Variants in KDM2B observed in about 807,000 individuals in gnomAD.
KDM2B encodes the protein lysine demethylase 2B.
KDM2B carries 26 observed loss-of-function variants against 150.0 expected under a neutral mutation model. That is an observed-to-expected ratio of 0.17 (90% CI 0.13 to 0.24). The LOEUF is 0.24. Ranked by LOEUF, KDM2B falls within the 10% of genes least tolerant of loss-of-function variation. The pLI, the probability that KDM2B is intolerant of heterozygous loss-of-function variation, is 1.00. For missense variants in KDM2B, 1,265 were observed against 1,816.9 expected (o/e 0.70, Z 5.52); for synonymous variants, 734 against 729.5 (o/e 1.01, Z -0.10).
At chr12:121,566,147 T>C (rs1254568010) in intron 4 of KDM2B, among the ~76,000 whole-genome samples, 2 of 152,010 alleles carry the variant, frequency 1.3e-5, no homozygotes, top group African/African-American at 4.8e-5. Flanking sequence ...TTAAGCCAGA[T>C]ACAAAAAGAA....
the KDM2B span, chr12:121,423,291 C>A: frequency 2.2e-6 from 2 of 910,320 alleles, no homozygotes; most frequent in South Asian, 1.7e-5. This position sits in a 1 kb window ranked among gnomAD's most constrained non-coding sequence, Gnocchi z 4.3. Flanking sequence ...CTGCAGGGGT[C>A]ATTCAGCAGG....
upstream of KDM2B, among the ~76,000 whole-genome samples, chr12:121,581,475 T>C (rs549164428): frequency 3.1e-4 from 47 of 152,332 alleles, no homozygotes; most frequent in Non-Finnish European, 5.1e-4. Context: ...CTGGGTTGTC[T>C]TGTCCTCCCA....
At chr12:121,525,721 G>A (rs571622715) in intron 8 of KDM2B, among the ~76,000 whole-genome samples, 5 of 152,096 alleles carry the variant, frequency 3.3e-5, no homozygotes, top group Admixed American at 1.3e-4. Context: ...TAGATGGATC[G>A]TCTGAGGCCC....
intron 6 of KDM2B, among the ~76,000 whole-genome samples, chr12:121,545,396 G>GA (rs148473079): frequency 0.05 from 7,334 of 147,630 alleles, 305 homozygotes; most frequent in South Asian, 0.15. Context: ...TTTAAAAAAA[G>GA]AAAAAAAAAT....
chr12:121,572,723 T>A (rs1891192209), intron 4 of KDM2B, among the ~76,000 whole-genome samples: 1 of 151,946 alleles, frequency 6.6e-6, no homozygotes. Context: ...AGTGATGCAA[T>A]CATGGCCTGC....
Position 121,486,333 on chromosome 12 carries a change from C to CTTTTTTT in KDM2B, c.1734+8239_1734+8245dup, listed in dbSNP as rs71079073. ...TGTTGATCAGGCTGGTTTCGAACTC[C>CTTTTTTT]TTTTTTTTTTTTTTTTTTTTTTTTT... is the stretch of plus-strand genomic sequence containing the variant. On this transcript the variant is annotated intron_variant, in intron 12 of 22. Coordinates refer to ENST00000377071, the MANE Select transcript of KDM2B (RefSeq NM_032590.5). Among the ~76,000 whole-genome samples, 2 of 59,018 alleles carry CTTTTTTT rather than the reference C, an allele frequency of 3.4e-5. 1 individual carries two copies. The highest frequency in any genetic ancestry group is 1.6e-4 in the African/African-American group (2 of 12,760). The allele number at this position is 59,018 out of a possible 152,430, so 38.7% of individuals were successfully genotyped here. A position where few individuals can be genotyped will look rare whatever the true frequency, so the allele number is the denominator to read the frequency against.
At chr12:121,469,271 C>CCCCCA (rs1880480541) in intron 12 of KDM2B, 2 of 150,106 alleles carry the variant, frequency 1.3e-5, no homozygotes, top group African/African-American at 4.9e-5. Context: ...CACCCTAACC[C>CCCCCA]CCCCACCCCA....
chr12:121,417,811 C>T, the KDM2B span: 36 of 1,614,004 alleles, frequency 2.2e-5, no homozygotes, highest in Admixed American at 3.3e-5. The surrounding 1 kb of genome is among the most constrained non-coding windows in gnomAD (Gnocchi z 5.0). Context: ...TTTACACGTT[C>T]GTTTTTTTCA....
At chr12:121,436,229 G>A (rs1220398841) in intron 22 of KDM2B, among the ~76,000 whole-genome samples, 2 of 152,200 alleles carry the variant, frequency 1.3e-5, no homozygotes, top group Non-Finnish European at 2.9e-5. Context: ...AAAACTCAGT[G>A]TATAAGTTGT....
At chr12:121,500,025 C>G (rs1347974973) in intron 11 of KDM2B, among the ~76,000 whole-genome samples, 1 of 152,002 alleles carries the variant, frequency 6.6e-6, no homozygotes, top group Non-Finnish European at 1.5e-5. Flanking sequence ...GGATCTCACA[C>G]TCATACCTCC....
At chr12:121,576,906 A>C (rs1566439030) in intron 2 of KDM2B, among the ~76,000 whole-genome samples, 1 of 151,794 alleles carries the variant, frequency 6.6e-6, no homozygotes, top group Non-Finnish European at 1.5e-5. Context: ...GGCCAAGACA[A>C]CTCCCCTCCG....
intron 9 of KDM2B, chr12:121,516,777 G>A (rs1384901557): frequency 5.4e-5 from 36 of 661,536 alleles, no homozygotes; most frequent in South Asian, 4.0e-4. Flanking sequence ...AAGGTTTCTC[G>A]AGTGTATCTA....
Position 121,478,870 on chromosome 12 carries a change from G to GTT in KDM2B, c.1734+15708_1734+15709insAA, listed in dbSNP as rs1566316692. Among the ~76,000 whole-genome samples, 9 of 27,606 alleles carry GTT rather than the reference G, an allele frequency of 3.3e-4. No individual in the cohort carries two copies. The African/African-American group carries it at 3.8e-3, about 12-fold the overall frequency. 18.1% of individuals were successfully genotyped at this position (27,606 alleles called of 152,430 possible). A position where few individuals can be genotyped will look rare whatever the true frequency, so the allele number is the denominator to read the frequency against. ...AACCGGCTAATTTTTGTTTGTTTGT[G>GTT]TGTGTGTGTGTGTGTGTGTGTGTGT... is the stretch of plus-strand genomic sequence containing the variant. On this transcript the variant is annotated intron_variant, in intron 12 of 22. Coordinates refer to ENST00000377071, the MANE Select transcript of KDM2B (RefSeq NM_032590.5).
chr12:121,576,509 T>A (rs1555316887), intron 2 of KDM2B, among the ~76,000 whole-genome samples: 1 of 152,118 alleles, frequency 6.6e-6, no homozygotes, highest in East Asian at 1.9e-4. Flanking sequence ...TTCAGCTGGA[T>A]AACCGGGAGG....
chr12:121,434,500 C>CAAAAA (rs1166374523), intron 22 of KDM2B, among the ~76,000 whole-genome samples: 14 of 62,242 alleles, frequency 2.2e-4, no homozygotes, highest in South Asian at 5.0e-4. Flanking sequence ...GACTCTCTAT[C>CAAAAA]AAAAAAAAAA....
At chr12:121,421,718 TTTAAA>T in the KDM2B span, among the ~76,000 whole-genome samples, 4 of 152,212 alleles carry the variant, frequency 2.6e-5, no homozygotes, top group Admixed American at 2.6e-4. Context: ...ACTTAATATT[TTTAAA>T]TTGAGACAGG....
chr12:121,500,794 T>C (rs1390330363), intron 11 of KDM2B, among the ~76,000 whole-genome samples: 2 of 152,166 alleles, frequency 1.3e-5, no homozygotes, highest in African/African-American at 4.8e-5. Context: ...GTAGCTTGAA[T>C]TGTGTCCCAA....
chr12:121,481,524 C>T (rs1289754499), intron 12 of KDM2B, among the ~76,000 whole-genome samples: 3 of 128,230 alleles, frequency 2.3e-5, no homozygotes, highest in Admixed American at 1.0e-4. Flanking sequence ...AAGCCAAATT[C>T]GAGAAAGAAG....
At chr12:121,530,119 T>C (rs1887527386) in intron 8 of KDM2B, among the ~76,000 whole-genome samples, 1 of 149,556 alleles carries the variant, frequency 6.7e-6, no homozygotes, top group South Asian at 2.1e-4. Flanking sequence ...TCCCAGCTAT[T>C]CGGGAAGCTG....
Sources: allele counts gnomAD v4.1 joint callset (sites outside exome capture counted in the v4.1 genomes callset), GRCh38; gene constraint gnomAD v4.1.1; non-coding constraint Gnocchi (gnomAD v3.1); transcripts MANE v1.5; gene names NCBI Gene and HGNC (gene_info 2026-07-23, HGNC 2026-07-21).